The following LRRC56 variants were observed in gnomAD, a reference collection of about 807,000 sequenced individuals.
The protein encoded by LRRC56 is leucine-rich repeat-containing protein 56.
In LRRC56, 41 loss-of-function variants were observed where a neutral mutation model predicts 47.8. The ratio of observed to expected loss-of-function variants is 0.86; its 90% CI spans 0.67 to 1.11. The LOEUF (loss-of-function observed/expected upper bound fraction) is 1.11. LRRC56 is among the 50% of genes most tolerant of loss of function. The pLI, the probability that LRRC56 is intolerant of heterozygous loss-of-function variation, is 0.00. For synonymous variants in LRRC56, 387 were observed against 311.2 expected (o/e 1.24, Z -2.56); for missense variants, 759 against 704.2 (o/e 1.08, Z -0.88).
chr11:552,726 C>T (rs756380894), intron 13 of LRRC56, 24 bp downstream of exon 13: 10 of 1,581,614 alleles, frequency 6.3e-6, no homozygotes, highest in Middle Eastern at 1.7e-4. Context: ...CCGCCTGCCC[C>T]CCAGTGCCTG....
chr11:521,193 GT>G, the LRRC56 span, among the ~76,000 whole-genome samples: 8 of 152,282 alleles, frequency 5.3e-5, no homozygotes, highest in Non-Finnish European at 1.0e-4. Flanking sequence ...CTAGCCACTG[GT>G]TCGACTGCCT....
intron 6 of LRRC56, among the ~76,000 whole-genome samples, chr11:546,357 A>T (rs1852079702): frequency 1.3e-5 from 2 of 152,140 alleles, no homozygotes; most frequent in African/African-American, 4.8e-5. Flanking sequence ...TCACGAGGTC[A>T]GGAGATTGAG....
rs1424895209 is a variant in LRRC56 at position 553,490 on chromosome 11, G to A, written c.1316-473G>A. On this transcript the variant is annotated intron_variant, in intron 13 of 13. Transcript: ENST00000270115. ...GCCGTGACCTGCAGGGGTGGAGGGA[G>A]GGCAGGCAGGGCGGCCAGGAGGAGG... Among the ~76,000 whole-genome samples, 3 of 152,158 alleles carry A rather than the reference G, an allele frequency of 2.0e-5. No individual in the cohort carries two copies. The East Asian group carries it at 5.8e-4, about 29-fold the overall frequency.
Position 553,959 on chromosome 11 carries a change from CTA to C in LRRC56, c.1316-3_1316-2del. ...GACGTCCCATCACTCTGCTTGCTTTCTAGAGCCCTCCGGGACCTCGAGCCAGC... is the reference window on the plus strand; with the variant it reads ...GACGTCCCATCACTCTGCTTGCTTTCGAGCCCTCCGGGACCTCGAGCCAGC... On this transcript the variant is annotated splice_acceptor_variant and splice_polypyrimidine_tract_variant and intron_variant, in intron 13 of 13. Transcript: ENST00000270115. LOFTEE classifies it high-confidence loss of function. 1.9e-6 allele frequency: 3 copies of C among 1,609,908 alleles called. No homozygotes were observed. The highest frequency in any genetic ancestry group is 2.5e-6 in the Non-Finnish European group (3 of 1,178,648).
At chr11:532,508 T>A in the LRRC56 span, 2 of 1,292,922 alleles carry the variant, frequency 1.5e-6, no homozygotes, top group Non-Finnish European at 2.1e-6. Context: ...GGCACCTCCA[T>A]GTCCTGAGCT....
the LRRC56 span, among the ~76,000 whole-genome samples, chr11:513,330 G>T: frequency 6.6e-6 from 1 of 152,022 alleles, no homozygotes; most frequent in African/African-American, 2.4e-5. Flanking sequence ...TTTTTGTATT[G>T]TATTAGAGAC....
the LRRC56 span, among the ~76,000 whole-genome samples, chr11:524,767 A>G: frequency 6.6e-6 from 1 of 152,174 alleles, no homozygotes; most frequent in East Asian, 1.9e-4. Context: ...TAGACCTATG[A>G]TCCATTTTGA....
chr11:554,285 C>T lies in LRRC56; in HGVS notation c.*9C>T. The T allele has an allele frequency of 6.8e-7, 1 of 1,478,196 alleles. No homozygotes were observed. The highest frequency in any genetic ancestry group is 8.9e-7 in the Non-Finnish European group (1 of 1,118,406). 91.6% of individuals were successfully genotyped at this position (1,478,196 alleles called of 1,614,324 possible). On this transcript the variant is annotated 3_prime_UTR_variant, in exon 14 of 14. Transcript: ENST00000270115. ...GCCCCGTCCCCACTTAATATAGCCCCCACTGCCAGGCTTCCCTGTGCTGGG... is the reference window on the plus strand; with the variant it reads ...GCCCCGTCCCCACTTAATATAGCCCTCACTGCCAGGCTTCCCTGTGCTGGG...
Position 551,250 on chromosome 11 carries a change from C to T in LRRC56, c.744C>T (p.Asp248=), listed in dbSNP as rs1852370694. 2 of 1,545,180 alleles carry T rather than the reference C, an allele frequency of 1.3e-6. No individual in the cohort carries two copies. The highest frequency in any genetic ancestry group is 4.9e-5 in the East Asian group (2 of 40,642). Residue 248 remains aspartate, a synonymous_variant, in exon 9 of 14, where the codon GAC becomes GAT. Transcript: ENST00000270115. Reference sequence around the variant, plus strand: ...CGGCCCCCCCGCGGCTGAGCCAGGACTGGCTTGCGGTGAAGGAGGCCATCA... The same window carrying T: ...CGGCCCCCCCGCGGCTGAGCCAGGATTGGCTTGCGGTGAAGGAGGCCATCA... The part of the protein sequence containing the change: ...GPPAPPRLSQ[D]WLAVKEAIKK...
the LRRC56 span, among the ~76,000 whole-genome samples, chr11:525,943 C>A: frequency 1.3e-5 from 2 of 151,966 alleles, no homozygotes; most frequent in East Asian, 3.9e-4. Context: ...CACCTATAAT[C>A]CCGGCATGAT....
At chr11:532,788 G>T (rs202082236), upstream of LRRC56, 21 of 1,606,730 alleles carry the variant, frequency 1.3e-5, no homozygotes, top group Non-Finnish European at 1.6e-5. Context: ...AGGAGGGACC[G>T]GCCTGTGGCC....
chr11:539,936 G>A (rs1412161930), intron 3 of LRRC56, among the ~76,000 whole-genome samples: 11 of 152,152 alleles, frequency 7.2e-5, no homozygotes, highest in Non-Finnish European at 1.5e-5. Context: ...CCCCAGCATC[G>A]GTCACACACC....
At chr11:506,764 A>T in the LRRC56 span, 1 of 152,298 alleles carries the variant, frequency 6.6e-6, no homozygotes, top group Non-Finnish European at 1.5e-5. Flanking sequence ...AGCTCGCTGG[A>T]ATCTAAGGCA....
chr11:551,419 G>A, intron 9 of LRRC56, 117 bp downstream of exon 9: 1 of 818,022 alleles, frequency 1.2e-6, no homozygotes, highest in Non-Finnish European at 1.9e-6. Context: ...CTCCAGCCTT[G>A]ACCCCGGTCC....
upstream of LRRC56, chr11:534,563 C>T (rs1167158480): frequency 1.0e-5 from 6 of 587,644 alleles, no homozygotes; most frequent in Non-Finnish European, 1.8e-5. Flanking sequence ...CGCCTCGCCC[C>T]CACTTGCTCT....
intron 6 of LRRC56, among the ~76,000 whole-genome samples, chr11:546,237 C>T (rs1182921857): frequency 6.6e-6 from 1 of 151,586 alleles, no homozygotes; most frequent in Non-Finnish European, 1.5e-5. Flanking sequence ...CACACCACTA[C>T]ACTCCAGCCG....
chr11:518,342 C>T, the LRRC56 span, among the ~76,000 whole-genome samples: 119 of 152,142 alleles, frequency 7.8e-4, no homozygotes, highest in Non-Finnish European at 1.5e-3. Context: ...CCACCACGCC[C>T]AGCTAATTTT....
At chr11:546,257 A>G (rs1852073891) in intron 6 of LRRC56, among the ~76,000 whole-genome samples, 1 of 151,744 alleles carries the variant, frequency 6.6e-6, no homozygotes, top group African/African-American at 2.4e-5. Flanking sequence ...GGGGCAACAG[A>G]GCGAAACTCT....
chr11:531,384 C>T, the LRRC56 span, among the ~76,000 whole-genome samples: 2 of 152,144 alleles, frequency 1.3e-5, no homozygotes, highest in African/African-American at 2.4e-5. Context: ...GCACCAGGGG[C>T]GCTGTGGGCC....
Sources: allele counts gnomAD v4.1 joint callset (sites outside exome capture counted in the v4.1 genomes callset), GRCh38; gene constraint gnomAD v4.1.1; transcripts MANE v1.5; gene names NCBI Gene and HGNC (gene_info 2026-07-23, HGNC 2026-07-21).